Variants in POPDC1 observed in about 807,000 individuals in gnomAD.
POPDC1 encodes the protein popeye domain cAMP effector 1.
the POPDC1 span, chr6:105,133,592 TA>T: frequency 3.2e-3 from 4,917 of 1,554,068 alleles, 149 homozygotes; most frequent in African/African-American, 0.061. Flanking sequence ...AAAATTCCTG[TA>T]AAAACAAGTA....
chr6:105,113,245 G>C, the POPDC1 span, among the ~76,000 whole-genome samples: 1 of 152,108 alleles, frequency 6.6e-6, no homozygotes, highest in Non-Finnish European at 1.5e-5. Flanking sequence ...CATGAGCTCT[G>C]GAATCAGATA....
At chr6:105,103,503 A>AT in the POPDC1 span, among the ~76,000 whole-genome samples, 3 of 151,994 alleles carry the variant, frequency 2.0e-5, no homozygotes, top group African/African-American at 7.2e-5. Flanking sequence ...TTTCCATCAT[A>AT]TTTTTAGCCT....
the POPDC1 span, among the ~76,000 whole-genome samples, chr6:105,114,523 T>G: frequency 2.6e-5 from 4 of 152,244 alleles, no homozygotes; most frequent in Non-Finnish European, 5.9e-5. Flanking sequence ...GTTGAATGTG[T>G]TTGCATTTTT....
chr6:105,112,939 C>CTT, the POPDC1 span, among the ~76,000 whole-genome samples: 2,113 of 147,700 alleles, frequency 0.014, 23 homozygotes, highest in Non-Finnish European at 0.023. Context: ...TTTTTCTTTT[C>CTT]TTTTTTTTTT....
chr6:105,135,653 T>C, the POPDC1 span, among the ~76,000 whole-genome samples: 1 of 152,202 alleles, frequency 6.6e-6, no homozygotes, highest in African/African-American at 2.4e-5. Flanking sequence ...CCAGAAAATA[T>C]TATTAGCAGT....
the POPDC1 span, among the ~76,000 whole-genome samples, chr6:105,112,813 C>T: frequency 1.3e-5 from 2 of 152,172 alleles, no homozygotes; most frequent in South Asian, 2.1e-4. Context: ...ACATAGCTGT[C>T]GGTTCAAATG....
chr6:105,104,550 T>C, the POPDC1 span, among the ~76,000 whole-genome samples: 1 of 152,100 alleles, frequency 6.6e-6, no homozygotes, highest in Admixed American at 6.5e-5. Flanking sequence ...TCACCTTTAA[T>C]TTCTGGCGGG....
At chr6:105,134,225 TTTA>T in the POPDC1 span, among the ~76,000 whole-genome samples, 16 of 152,048 alleles carry the variant, frequency 1.1e-4, no homozygotes, top group Non-Finnish European at 2.1e-4. Context: ...ACATGAAACT[TTTA>T]TTGTCTTATT....
chr6:105,119,968 C>A, the POPDC1 span, among the ~76,000 whole-genome samples: 803 of 144,824 alleles, frequency 5.5e-3, 12 homozygotes, highest in Middle Eastern at 0.01. Context: ...CCCATAAAAA[C>A]ATGGATTTGG....
the POPDC1 span, among the ~76,000 whole-genome samples, chr6:105,117,533 A>C: frequency 6.6e-6 from 1 of 152,158 alleles, no homozygotes; most frequent in African/African-American, 2.4e-5. Context: ...AGGAAAGCAG[A>C]AAGGTACTAT....
chr6:105,111,167 C>T, the POPDC1 span, among the ~76,000 whole-genome samples: 140,350 of 152,252 alleles, frequency 0.92, 64,843 homozygotes, highest in Non-Finnish European at 0.96. Context: ...GCATTGCCTA[C>T]ATTGTCTTGT....
At chr6:105,106,490 C>T in the POPDC1 span, among the ~76,000 whole-genome samples, 2 of 152,226 alleles carry the variant, frequency 1.3e-5, no homozygotes, top group Non-Finnish European at 2.9e-5. Flanking sequence ...GAGTCCTGAG[C>T]GAAACAGTGG....
At chr6:105,098,543 A>G in the POPDC1 span, 1 of 152,196 alleles carries the variant, frequency 6.6e-6, no homozygotes, top group Non-Finnish European at 1.5e-5. Flanking sequence ...CTCCAAACAC[A>G]TGCATTACTT....
At chr6:105,117,383 G>A in the POPDC1 span, among the ~76,000 whole-genome samples, 1 of 152,180 alleles carries the variant, frequency 6.6e-6, no homozygotes, top group African/African-American at 2.4e-5. Flanking sequence ...TACGGCTGGT[G>A]AGGGTCCTTC....
At chr6:105,129,579 C>T in the POPDC1 span, 1 of 1,427,056 alleles carries the variant, frequency 7.0e-7, no homozygotes, top group African/African-American at 1.4e-5. Context: ...TTGATATCCT[C>T]TATATATACA....
chr6:105,117,083 C>A, the POPDC1 span, among the ~76,000 whole-genome samples: 5 of 152,172 alleles, frequency 3.3e-5, no homozygotes, highest in African/African-American at 1.2e-4. Flanking sequence ...AAAGCAAATT[C>A]TCTGTGTTTC....
the POPDC1 span, among the ~76,000 whole-genome samples, chr6:105,119,067 C>T: frequency 1.8e-4 from 28 of 151,884 alleles, no homozygotes; most frequent in Non-Finnish European, 3.2e-4. Flanking sequence ...CGCCTGTAAT[C>T]CCAGCTATTC....
At chr6:105,104,953 C>G in the POPDC1 span, among the ~76,000 whole-genome samples, 1 of 152,176 alleles carries the variant, frequency 6.6e-6, no homozygotes, top group East Asian at 1.9e-4. Flanking sequence ...CACATCTGTA[C>G]TATTATTTCT....
the POPDC1 span, among the ~76,000 whole-genome samples, chr6:105,132,058 G>A: frequency 6.6e-6 from 1 of 150,570 alleles, no homozygotes; most frequent in South Asian, 2.1e-4. Flanking sequence ...CTCTGTCTCC[G>A]GGGTTCAAGC....
Sources: gnomAD v4.1 joint callset for allele counts (sites outside exome capture counted in the v4.1 genomes callset) on GRCh38, gnomAD v4.1.1 for gene constraint, MANE v1.5 for transcripts, NCBI Gene and HGNC (gene_info 2026-07-23, HGNC 2026-07-21) for gene names.